Variants in RNF180 observed in about 807,000 individuals in gnomAD.
The protein encoded by RNF180 is ring finger protein 180, also known as E3 ubiquitin-protein ligase RNF180.
In RNF180, 38 loss-of-function variants were observed where a neutral mutation model predicts 59.2. The observed-to-expected ratio is 0.64, with a 90% confidence interval of 0.50 to 0.84. The LOEUF is 0.84. Ranked by LOEUF, RNF180 falls within the 40% of genes least tolerant of loss-of-function variation. The probability of loss-of-function intolerance (pLI) is 0.00; values close to 1 mark genes in which losing one functional copy is unlikely to be tolerated. For synonymous variants in RNF180, 262 were observed against 240.3 expected, an observed-to-expected ratio of 1.09 and a Z score of -0.84; for missense variants, 705 against 700.9, an observed-to-expected ratio of 1.01 and a Z score of -0.07.
At chr5:64,222,298 T>TA (rs1741387762) in intron 5 of RNF180, among the ~76,000 whole-genome samples, 1 of 152,188 alleles carries the variant, frequency 6.6e-6, no homozygotes, top group Non-Finnish European at 1.5e-5. Context: ...TGTTTTTTTT[T>TA]AATTATACTT....
chr5:64,267,944 G>C (rs1744785486), intron 5 of RNF180, among the ~76,000 whole-genome samples: 1 of 152,068 alleles, frequency 6.6e-6, no homozygotes, highest in Admixed American at 6.6e-5. Context: ...TGAAGGATAT[G>C]ATACAATTTA....
intron 7 of RNF180, among the ~76,000 whole-genome samples, chr5:64,349,772 C>A (rs912701187): frequency 1.3e-5 from 2 of 152,006 alleles, no homozygotes; most frequent in African/African-American, 2.4e-5. Context: ...TGAACTCATC[C>A]TTTTTTATGG....
chr5:64,365,864 T>C (rs1273804335), intron 7 of RNF180, among the ~76,000 whole-genome samples: 1 of 151,658 alleles, frequency 6.6e-6, no homozygotes, highest in Non-Finnish European at 1.5e-5. Context: ...CTTATAGGTG[T>C]CATTGCATGT....
chr5:64,352,398 C>G (rs943521726), intron 7 of RNF180, among the ~76,000 whole-genome samples: 1 of 151,934 alleles, frequency 6.6e-6, no homozygotes, highest in Non-Finnish European at 1.5e-5. Context: ...CTGTCTCTAT[C>G]TCCTTCAATT....
intron 2 of RNF180, among the ~76,000 whole-genome samples, chr5:64,207,709 T>C (rs1314732252): frequency 6.6e-6 from 1 of 152,158 alleles, no homozygotes; most frequent in Non-Finnish European, 1.5e-5. Context: ...TTCAATTCAT[T>C]GTGACCTTTT....
Position 64,290,005 on chromosome 5 carries a change from T to G in RNF180, c.1228-35181T>G, listed in dbSNP as rs117503494. Among the ~76,000 whole-genome samples the G allele has an allele frequency of 3.5e-4, 53 of 152,312 alleles. No individual in the cohort carries two copies. The East Asian group carries it at 6.4e-3, about 18-fold the overall frequency. ...TGTTAATTTGAGGTTTTTCTACCTT[T>G]TTATGTGGGCATTTAGTTGTATAAT... is the stretch of plus-strand genomic sequence containing the variant. On this transcript the variant is annotated intron_variant, in intron 5 of 7. Transcript: ENST00000389100.
intron 5 of RNF180, among the ~76,000 whole-genome samples, chr5:64,308,245 T>C (rs1743573517): frequency 6.6e-6 from 1 of 151,708 alleles, no homozygotes; most frequent in African/African-American, 2.4e-5. Context: ...CACTAAAATT[T>C]ATTTGTAACT....
At chr5:64,177,563 A>ATATG (rs1554026627) in intron 1 of RNF180, among the ~76,000 whole-genome samples, 8 of 135,388 alleles carry the variant, frequency 5.9e-5, no homozygotes, top group East Asian at 4.3e-4. Flanking sequence ...ATATATATAT[A>ATATG]TATGTATTTA....
intron 5 of RNF180, among the ~76,000 whole-genome samples, chr5:64,287,992 A>G (rs1434861926): frequency 6.6e-6 from 1 of 152,152 alleles, no homozygotes; most frequent in African/African-American, 2.4e-5. Context: ...TATGTCCTGA[A>G]TGGTATTGCC....
rs111346402 is a variant in RNF180, at chr5:64,239,189, C to G, written c.1227+21793C>G. Among the ~76,000 whole-genome samples the G allele has an allele frequency of 2.6e-5, 4 of 152,176 alleles. 1 individual carries two copies. The highest frequency in any genetic ancestry group is 9.6e-5 in the African/African-American group (4 of 41,548). ...ATGTAGGTACTTTATAAATAGTATACTTCAGGGCTTGCTACTCAAGGTGGG... is the reference window on the plus strand; with the variant it reads ...ATGTAGGTACTTTATAAATAGTATAGTTCAGGGCTTGCTACTCAAGGTGGG... On this transcript the variant is annotated intron_variant, in intron 5 of 7. Transcript: ENST00000389100.
chr5:64,351,845 G>A (rs1477269893), intron 7 of RNF180, among the ~76,000 whole-genome samples: 1 of 152,078 alleles, frequency 6.6e-6, no homozygotes, highest in African/African-American at 2.4e-5. Context: ...TGTTCATCAG[G>A]GATATTGGTC....
At chr5:64,167,785 A>C (rs1749729882) in intron 1 of RNF180, among the ~76,000 whole-genome samples, 1 of 152,100 alleles carries the variant, frequency 6.6e-6, no homozygotes, top group Admixed American at 6.6e-5. Flanking sequence ...CTTAGACTTA[A>C]TTGTTGCTTT....
At chr5:64,355,331 G>T (rs1439584745) in intron 7 of RNF180, among the ~76,000 whole-genome samples, 2 of 151,916 alleles carry the variant, frequency 1.3e-5, no homozygotes, top group East Asian at 1.9e-4. Flanking sequence ...GCATCTAAAA[G>T]AATAAAATAC....
chr5:64,278,854 A>G (rs1282209182), intron 5 of RNF180, among the ~76,000 whole-genome samples: 1 of 152,092 alleles, frequency 6.6e-6, no homozygotes, highest in Admixed American at 6.6e-5. Flanking sequence ...TCCTGGCCTC[A>G]AACTGTCTTC....
rs184553522 is a variant in RNF180 at position 64,262,430 on chromosome 5, G to A, written c.1227+45034G>A. 3.3e-3 allele frequency among the ~76,000 whole-genome samples: 508 copies of A among 152,002 alleles called. 1 individual carries two copies. Among genetic ancestry groups the A allele is most frequent in the Admixed American group, 5.1e-3 (77 of 15,238 alleles). On this transcript the variant is annotated intron_variant, in intron 5 of 7. Coordinates refer to ENST00000389100, the MANE Select transcript of RNF180 (RefSeq NM_001113561.2). ...ATTGCTCATTTCGTATTTCAAAATC[G>A]GACAGCCTTAGCACCACTCTTTGAA...
chr5:64,191,628 A>G (rs990137245), intron 1 of RNF180, among the ~76,000 whole-genome samples: 1 of 152,222 alleles, frequency 6.6e-6, no homozygotes, highest in East Asian at 1.9e-4. Flanking sequence ...TTAAAGACTA[A>G]TATGTCAGTG....
chr5:64,314,141 TAGTA>T (rs1185461693), intron 5 of RNF180, among the ~76,000 whole-genome samples: 1 of 152,116 alleles, frequency 6.6e-6, no homozygotes, highest in Admixed American at 6.6e-5. Flanking sequence ...ATTGAACCAT[TAGTA>T]AGCAAAGGTG....
intron 1 of RNF180, among the ~76,000 whole-genome samples, chr5:64,190,796 A>G (rs1042142579): frequency 2.0e-5 from 3 of 152,218 alleles, no homozygotes; most frequent in Non-Finnish European, 2.9e-5. Flanking sequence ...GGCTGTCTGC[A>G]AGCCAAAATG....
intron 5 of RNF180, among the ~76,000 whole-genome samples, chr5:64,293,433 A>G (rs778118340): frequency 3.9e-5 from 6 of 152,016 alleles, no homozygotes; most frequent in Non-Finnish European, 8.8e-5. Flanking sequence ...GTCCCCTCCT[A>G]TGATTGAAAC....
Sources: allele counts gnomAD v4.1 joint callset (sites outside exome capture counted in the v4.1 genomes callset), GRCh38; gene constraint gnomAD v4.1.1; transcripts MANE v1.5; gene names NCBI Gene and HGNC (gene_info 2026-07-23, HGNC 2026-07-21).